GRIK3: variants seen among roughly 807,000 people sequenced by gnomAD.
GRIK3 encodes the protein glutamate receptor ionotropic, kainate 3.
GRIK3 carries 29 observed loss-of-function variants against 102.5 expected under a neutral mutation model. That is an observed-to-expected ratio of 0.28 (90% CI 0.21 to 0.39). The LOEUF is 0.39. Ranked by LOEUF, GRIK3 falls within the 10% of genes least tolerant of loss-of-function variation. The probability of loss-of-function intolerance (pLI) is 1.00; values close to 1 mark genes in which losing one functional copy is unlikely to be tolerated. For synonymous variants in GRIK3, 511 were observed against 504.9 expected (o/e 1.01, Z -0.16); for missense variants, 908 against 1,252.4 (o/e 0.73, Z 4.15).
At chr1:36,868,611 T>C (rs1640811174) in intron 5 of GRIK3, among the ~76,000 whole-genome samples, 1 of 152,208 alleles carries the variant, frequency 6.6e-6, no homozygotes, top group Admixed American at 6.5e-5. Flanking sequence ...CAACATGACA[T>C]GGACTTAGGA....
At chr1:36,957,458 AGCCTATGTGCTCTG>A (rs1641929472) in intron 1 of GRIK3, among the ~76,000 whole-genome samples, 1 of 118,386 alleles carries the variant, frequency 8.4e-6, no homozygotes, top group Non-Finnish European at 1.8e-5. Flanking sequence ...GTGCCCTGTG[AGCCTATGTGCTCTG>A]TGAGTCTGTG....
At position 36,801,866 on chromosome 1, in the gene GRIK3, G is replaced by C. The variant is rs1017016653; in HGVS notation, c.2745C>G (p.Ala915=). ...CCAGCTGTGCCTAGGGGAACACAGG[G>C]GCTAAGGATGTGCTGCAGGCCATGC... The part of the protein sequence containing the change: ...KDSMACSTSL[A]PVFP Residue 915 remains alanine, a synonymous_variant, in exon 16 of 16, where the codon GCC becomes GCG. Coordinates refer to ENST00000373091, the MANE Select transcript of GRIK3 (RefSeq NM_000831.4). 1.2e-6 allele frequency: 2 copies of C among 1,608,386 alleles called. No homozygotes were observed. Among genetic ancestry groups the C allele is most frequent in the African/African-American group, 2.7e-5 (2 of 74,922 alleles).
intron 1 of GRIK3, among the ~76,000 whole-genome samples, chr1:36,891,392 C>A (rs1641113867): frequency 6.6e-6 from 1 of 152,188 alleles, no homozygotes; most frequent in African/African-American, 2.4e-5. Context: ...CAAGCAGAAT[C>A]TACCAGGATA....
chr1:36,895,084 C>T (rs1245616672), intron 1 of GRIK3, among the ~76,000 whole-genome samples: 1 of 152,038 alleles, frequency 6.6e-6, no homozygotes, highest in Non-Finnish European at 1.5e-5. Context: ...AGTTTACCGC[C>T]CAGGGGCACA....
At chr1:36,992,036 C>A (rs1425290484) in intron 1 of GRIK3, among the ~76,000 whole-genome samples, 4 of 152,106 alleles carry the variant, frequency 2.6e-5, no homozygotes, top group Non-Finnish European at 5.9e-5. Flanking sequence ...GGGTGGTTCC[C>A]AGGAGAAAGC....
intron 1 of GRIK3, among the ~76,000 whole-genome samples, chr1:36,992,735 G>A (rs994050162): frequency 5.9e-5 from 9 of 152,218 alleles, no homozygotes; most frequent in African/African-American, 1.2e-4. Context: ...TTTATGGAGT[G>A]CTGACTCAGC....
intron 1 of GRIK3, among the ~76,000 whole-genome samples, chr1:36,931,733 C>T (rs1222754397): frequency 7.2e-5 from 11 of 152,228 alleles, no homozygotes; most frequent in Non-Finnish European, 1.6e-4. Flanking sequence ...AGAGCTTCTC[C>T]AACCCACTCC....
At chr1:36,834,288 T>A (rs1214554656) in intron 10 of GRIK3, among the ~76,000 whole-genome samples, 1 of 152,044 alleles carries the variant, frequency 6.6e-6, no homozygotes, top group African/African-American at 2.4e-5. Context: ...CAGCAAGCGC[T>A]GTCTCAGGAG....
At chr1:36,995,858 T>C (rs1443412169) in intron 1 of GRIK3, among the ~76,000 whole-genome samples, 4 of 152,184 alleles carry the variant, frequency 2.6e-5, no homozygotes, top group Non-Finnish European at 5.9e-5. Context: ...GGCAAGGCAC[T>C]TCCTCCCAAG....
At chr1:37,010,882 C>T (rs1014362137) in intron 1 of GRIK3, among the ~76,000 whole-genome samples, 2 of 151,986 alleles carry the variant, frequency 1.3e-5, no homozygotes, top group African/African-American at 2.4e-5. Context: ...GCTGGGACTA[C>T]AGGCGCCCAC....
chr1:36,812,048 G>A (rs1189353887), intron 13 of GRIK3, among the ~76,000 whole-genome samples: 1 of 152,084 alleles, frequency 6.6e-6, no homozygotes, highest in Non-Finnish European at 1.5e-5. Context: ...CCCCCTACCT[G>A]CTTCTGCTTG....
chr1:36,901,366 A>T (rs1013190006), intron 1 of GRIK3, among the ~76,000 whole-genome samples: 1 of 152,244 alleles, frequency 6.6e-6, no homozygotes, highest in African/African-American at 2.4e-5. Flanking sequence ...CAGGTATGCA[A>T]GGCTGTTTCA....
intron 1 of GRIK3, among the ~76,000 whole-genome samples, chr1:37,006,193 C>T (rs1416231010): frequency 6.6e-6 from 1 of 152,208 alleles, no homozygotes; most frequent in Non-Finnish European, 1.5e-5. Context: ...GCTAAATGCA[C>T]AATTTTCAGA....
chr1:36,894,624 G>A (rs1429170367), intron 1 of GRIK3, among the ~76,000 whole-genome samples: 1 of 152,210 alleles, frequency 6.6e-6, no homozygotes, highest in African/African-American at 2.4e-5. Context: ...GGTAAATAGA[G>A]AGAATTACAA....
intron 3 of GRIK3, among the ~76,000 whole-genome samples, chr1:36,873,584 C>T (rs1340353728): frequency 5.9e-5 from 9 of 152,116 alleles, no homozygotes; most frequent in Admixed American, 5.9e-4. Context: ...CCCTAGTCAT[C>T]CCCAGGACTC....
intron 1 of GRIK3, among the ~76,000 whole-genome samples, chr1:36,968,684 C>T (rs900247046): frequency 4.6e-5 from 7 of 152,182 alleles, no homozygotes; most frequent in African/African-American, 1.2e-4. Flanking sequence ...GCTGCTGGCC[C>T]CACCTGCCAC....
chr1:36,925,005 T>C (rs1454066196), intron 1 of GRIK3, among the ~76,000 whole-genome samples: 2 of 152,160 alleles, frequency 1.3e-5, no homozygotes, highest in African/African-American at 4.8e-5. Context: ...ATGGTGAATA[T>C]GCATTATTAA....
chr1:36,986,416 G>GTCCATCCA (rs34375905), intron 1 of GRIK3, among the ~76,000 whole-genome samples: 23,075 of 130,504 alleles, frequency 0.18, 2,174 homozygotes, highest in Middle Eastern at 0.22. Flanking sequence ...CCATCTCTCT[G>GTCCATCCA]TCCATCCATC....
At chr1:36,960,203 G>T (rs1401378627) in intron 1 of GRIK3, among the ~76,000 whole-genome samples, 1 of 145,402 alleles carries the variant, frequency 6.9e-6, no homozygotes. Flanking sequence ...GAGCCTCTGT[G>T]ACCCATGAGC....
Sources: allele counts gnomAD v4.1 joint callset (sites outside exome capture counted in the v4.1 genomes callset), GRCh38; gene constraint gnomAD v4.1.1; transcripts MANE v1.5; gene names NCBI Gene and HGNC (gene_info 2026-07-23, HGNC 2026-07-21).